The following TMEM255B variants were observed in gnomAD, a reference collection of about 807,000 sequenced individuals.
TMEM255B encodes the protein transmembrane protein 255B.
Under a neutral mutation model 34.5 loss-of-function variants are expected in TMEM255B, and 35 were observed. The observed-to-expected ratio is 1.01, with a 90% CI of 0.77 to 1.34. The LOEUF is 1.34. TMEM255B is among the 40% of genes most tolerant of loss of function. The pLI, the probability that TMEM255B is intolerant of heterozygous loss-of-function variation, is 0.00. For synonymous variants in TMEM255B, 206 were observed against 201.2 expected (o/e 1.02, Z -0.20); for missense variants, 432 against 433.2 (o/e 1.00, Z 0.02).
At chr13:113,781,752 C>A (rs2050668990) in intron 3 of TMEM255B, among the ~76,000 whole-genome samples, 1 of 152,166 alleles carries the variant, frequency 6.6e-6, no homozygotes, top group Non-Finnish European at 1.5e-5. Context: ...CCTTTAAATT[C>A]TACATCATTT....
At chr13:113,771,529 A>G (rs113523204) in intron 3 of TMEM255B, among the ~76,000 whole-genome samples, 3 of 152,238 alleles carry the variant, frequency 2.0e-5, no homozygotes, top group African/African-American at 7.2e-5. Flanking sequence ...AAAATACAAA[A>G]TTAGCTGGGC....
chr13:113,765,455 C>T (rs575289410), intron 1 of TMEM255B, among the ~76,000 whole-genome samples: 7 of 152,264 alleles, frequency 4.6e-5, no homozygotes, highest in African/African-American at 7.2e-5. Flanking sequence ...CTCCAGTGTG[C>T]GGTCTGCTTT....
intron 3 of TMEM255B, among the ~76,000 whole-genome samples, chr13:113,786,159 C>T (rs1221635754): frequency 3.9e-5 from 6 of 152,066 alleles, no homozygotes; most frequent in Non-Finnish European, 7.4e-5. Context: ...CATCACCATC[C>T]CCACTGTCAT....
chr13:113,789,797 C>T (rs1197734927), intron 3 of TMEM255B, among the ~76,000 whole-genome samples: 1 of 152,044 alleles, frequency 6.6e-6, no homozygotes, highest in Non-Finnish European at 1.5e-5. Flanking sequence ...TGACCGTGTA[C>T]ATAGACATCC....
Position 113,802,397 on chromosome 13 carries a change from G to A in TMEM255B, c.669+585G>A, listed in dbSNP as rs116826403. On this transcript the variant is annotated intron_variant, in intron 7 of 8. Transcript: ENST00000375353. ...CGCCTGTTTCAAACCAGATGTTCTC[G>A]TGGTGTGCGGCCAGCAAACCCCGCC... Among the ~76,000 whole-genome samples the A allele has an allele frequency of 5.6e-3, 857 of 152,298 alleles. 10 individuals carry two copies. Among genetic ancestry groups the A allele is most frequent in the African/African-American group, 0.019 (775 of 41,572 alleles).
At chr13:113,789,861 C>T (rs568418441) in intron 3 of TMEM255B, among the ~76,000 whole-genome samples, 3 of 152,122 alleles carry the variant, frequency 2.0e-5, no homozygotes, top group African/African-American at 7.2e-5. Context: ...TGACTGGGCA[C>T]GTGAACATCC....
At chr13:113,788,488 C>G (rs145682041) in intron 3 of TMEM255B, among the ~76,000 whole-genome samples, 1,802 of 151,982 alleles carry the variant, frequency 0.012, 41 homozygotes, top group African/African-American at 0.041. Flanking sequence ...TGGCCTGGCA[C>G]TGGCGCAGCA....
In TMEM255B at chr13:113,806,800, C is replaced by T. The variant is rs2051180160; in HGVS notation, c.813+1772C>T. ...GGTCTCCCGTGGGAAGTTTGCCAAG[C>T]CCAGAACTGGAGGCCCGCAGGGGTA... On this transcript the variant is annotated intron_variant, in intron 8 of 8. Coordinates refer to ENST00000375353, the MANE Select transcript of TMEM255B (RefSeq NM_182614.4). This position sits in a 1 kb window ranked among gnomAD's most constrained non-coding sequence, Gnocchi z 4.2. Among the ~76,000 whole-genome samples the T allele has an allele frequency of 6.6e-6, 1 of 150,730 alleles. No individual in the cohort carries two copies. Among genetic ancestry groups the T allele is most frequent in the Non-Finnish European group, 1.5e-5 (1 of 67,176 alleles).
At chr13:113,788,783 G>T (rs575067655) in intron 3 of TMEM255B, among the ~76,000 whole-genome samples, 9 of 152,172 alleles carry the variant, frequency 5.9e-5, no homozygotes, top group African/African-American at 1.9e-4. Flanking sequence ...GTCACCTCCT[G>T]CCTGGGCCCT....
intron 7 of TMEM255B, among the ~76,000 whole-genome samples, chr13:113,802,869 CA>C (rs2051091753): frequency 6.7e-6 from 1 of 148,182 alleles, no homozygotes; most frequent in South Asian, 2.1e-4. Context: ...AGGCACCTCC[CA>C]GGGGTCCTTG....
rs546570075 is a variant in TMEM255B at position 113,770,893 on chromosome 13, A to T, written c.252+1733A>T. ...AAGGCCTCCTGAAGACTTTTCCATA[A>T]GATTTCCCCAAAGAGGCAGAAGCTG... On this transcript the variant is annotated intron_variant, in intron 3 of 8. Coordinates refer to ENST00000375353, the MANE Select transcript of TMEM255B (RefSeq NM_182614.4). The surrounding 1 kb of genome is among the most constrained non-coding windows in gnomAD (Gnocchi z 4.6). Among the ~76,000 whole-genome samples the T allele has an allele frequency of 3.9e-5, 6 of 152,240 alleles. No homozygotes were observed. In the East Asian group the frequency reaches 1.2e-3, roughly 29 times the overall value.
chr13:113,806,010 G>A lies in TMEM255B; in HGVS notation c.813+982G>A, dbSNP rs963508048. On this transcript the variant is annotated intron_variant, in intron 8 of 8. Coordinates refer to ENST00000375353, the MANE Select transcript of TMEM255B (RefSeq NM_182614.4). The surrounding 1 kb of genome is among the most constrained non-coding windows in gnomAD (Gnocchi z 4.2). ...CTGTGCGGGGAAGGGCAGGGTGAAC[G>A]TGGGGAGTCGTGAGTTTTGAAGTCA... is the stretch of plus-strand genomic sequence containing the variant. Among the ~76,000 whole-genome samples the A allele has an allele frequency of 6.6e-6, 1 of 152,232 alleles. No individual in the cohort carries two copies. The highest frequency in any genetic ancestry group is 2.1e-4 in the South Asian group (1 of 4,832).
chr13:113,809,247 G>A (rs2051253088), intron 8 of TMEM255B, among the ~76,000 whole-genome samples: 3 of 130,970 alleles, frequency 2.3e-5, no homozygotes, highest in Non-Finnish European at 3.2e-5. Context: ...TGGTTCCTGG[G>A]GGTTTACTCT....
At chr13:113,777,264 T>C (rs866096366) in intron 3 of TMEM255B, among the ~76,000 whole-genome samples, 4 of 151,984 alleles carry the variant, frequency 2.6e-5, no homozygotes, top group Non-Finnish European at 5.9e-5. Context: ...TGTCTCCCTC[T>C]CCTCTATCTC....
At chr13:113,764,882 G>A (rs1017026068) in intron 1 of TMEM255B, among the ~76,000 whole-genome samples, 8 of 152,202 alleles carry the variant, frequency 5.3e-5, no homozygotes, top group African/African-American at 1.9e-4. Context: ...CCTCTAAGGA[G>A]GCAGGAGATG....
rs188225870 is a variant in TMEM255B at position 113,796,897 on chromosome 13, C to G, written c.342+1660C>G. ...GAAGGCAAGTGTGGGAGCACATTCA[C>G]AAAACACACGTGCGTGCGCACGCAT... On this transcript the variant is annotated intron_variant, in intron 4 of 8. Transcript: ENST00000375353. 4.7e-4 allele frequency among the ~76,000 whole-genome samples: 70 copies of G among 149,440 alleles called. No homozygotes were observed. The East Asian group carries it at 0.011, about 23-fold the overall frequency.
intron 3 of TMEM255B, among the ~76,000 whole-genome samples, chr13:113,789,013 G>A (rs2050786417): frequency 6.6e-6 from 1 of 151,872 alleles, no homozygotes; most frequent in African/African-American, 2.4e-5. Context: ...GCCTGGGCAG[G>A]GTCTCCACCT....
chr13:113,785,596 C>A (rs1158081113), intron 3 of TMEM255B, among the ~76,000 whole-genome samples: 1 of 152,252 alleles, frequency 6.6e-6, no homozygotes, highest in African/African-American at 2.4e-5. Flanking sequence ...AAAGAAACTT[C>A]TAAGTCAGCA....
In TMEM255B at chr13:113,795,256, T is replaced by G; in HGVS notation, c.342+19T>G. 6.2e-7 allele frequency: 1 copy of G among 1,608,068 alleles called. No homozygotes were observed. Among genetic ancestry groups the G allele is most frequent in the East Asian group, 2.2e-5 (1 of 44,738 alleles). ...GCACATTGTGAGTACATTGTCATTG[T>G]GTGCACAGTCGCTTTCCGGGGCTGA... On this transcript the variant is annotated intron_variant, in intron 4 of 8. Transcript: ENST00000375353.
Sources: allele counts gnomAD v4.1 joint callset (sites outside exome capture counted in the v4.1 genomes callset), GRCh38; gene constraint gnomAD v4.1.1; non-coding constraint Gnocchi (gnomAD v3.1); transcripts MANE v1.5; gene names NCBI Gene and HGNC (gene_info 2026-07-23, HGNC 2026-07-21).